GPATCH11: variants seen among roughly 807,000 people sequenced by gnomAD.
The protein encoded by GPATCH11 is G-patch domain containing 11, also known as G patch domain-containing protein 11.
A neutral mutation model predicts 44.8 loss-of-function variants in GPATCH11; 32 were observed. The ratio of observed to expected loss-of-function variants is 0.71; its 90% CI spans 0.54 to 0.96. GPATCH11 has a LOEUF of 0.96. Among genes scored for constraint, GPATCH11 ranks in the 40% least tolerant of loss-of-function variants. The pLI is 0.00. For synonymous variants in GPATCH11, 84 were observed against 94.4 expected, an observed-to-expected ratio of 0.89 and a Z score of 0.64; for missense variants, 324 against 303.1, an observed-to-expected ratio of 1.07 and a Z score of -0.51.
chr2:37,097,967 T>C lies in GPATCH11; in HGVS notation c.*1704T>C, dbSNP rs1365054464. Reference sequence around the variant, plus strand: ...ATTTTTATGAATGTAAATATGTGTATATATATAATATTTATATGTTTGGAT... The same window carrying C: ...ATTTTTATGAATGTAAATATGTGTACATATATAATATTTATATGTTTGGAT... On this transcript the variant is annotated 3_prime_UTR_variant, in exon 9 of 9. Transcript: ENST00000674370. 6.6e-6 allele frequency: 1 copy of C among 152,188 alleles called. No individual in the cohort carries two copies. The highest frequency in any genetic ancestry group is 1.5e-5 in the Non-Finnish European group (1 of 68,036). The allele number at this position is 152,188 out of a possible 1,614,324, so 9.4% of individuals were successfully genotyped here.
At chr2:37,088,629 A>G (rs1017580057) in intron 2 of GPATCH11, among the ~76,000 whole-genome samples, 189 bp downstream of exon 2, 1 of 152,134 alleles carries the variant, frequency 6.6e-6, no homozygotes, top group Admixed American at 6.6e-5. Context: ...AGATCCTCCC[A>G]TCTTGGCCTC....
intron 1 of GPATCH11, among the ~76,000 whole-genome samples, chr2:37,087,981 G>A (rs1318438327): frequency 6.6e-6 from 1 of 152,008 alleles, no homozygotes; most frequent in Non-Finnish European, 1.5e-5. Flanking sequence ...GACTGGAAGA[G>A]GAGACCAACT....
Position 37,088,767 on chromosome 2 carries a change from C to T in GPATCH11, c.59+327C>T, listed in dbSNP as rs376688560. On this transcript the variant is annotated intron_variant, in intron 2 of 8. Coordinates refer to ENST00000674370, the MANE Select transcript of GPATCH11 (RefSeq NM_174931.4). ...CAACTCCTGGGCTCAGGCGATCCTC[C>T]GGCTTTGGCCTCCCAAAGTGCTAGG... Among the ~76,000 whole-genome samples, 11 of 152,306 alleles carry T rather than the reference C, an allele frequency of 7.2e-5. No homozygotes were observed. In the South Asian group the frequency reaches 1.7e-3, roughly 23 times the overall value.
In GPATCH11 at chr2:37,098,430, T is replaced by G. The variant is rs1673705305; in HGVS notation, c.*2167T>G. 6.6e-6 allele frequency: 1 copy of G among 151,178 alleles called. No individual in the cohort carries two copies. Among genetic ancestry groups the G allele is most frequent in the Admixed American group, 6.6e-5 (1 of 15,138 alleles). The allele number at this position is 151,178 out of a possible 1,614,324, so 9.4% of individuals were successfully genotyped here. On this transcript the variant is annotated 3_prime_UTR_variant, in exon 9 of 9. Coordinates refer to ENST00000674370, the MANE Select transcript of GPATCH11 (RefSeq NM_174931.4). ...AGAGGAGTACATTTTACCCTTGCAATTCCAGTCAATACTGTGGTGTCATTT... is the reference window on the plus strand; with the variant it reads ...AGAGGAGTACATTTTACCCTTGCAAGTCCAGTCAATACTGTGGTGTCATTT...
intron 1 of GPATCH11, among the ~76,000 whole-genome samples, chr2:37,085,454 G>A (rs1163844675): frequency 6.6e-6 from 1 of 152,226 alleles, no homozygotes; most frequent in Non-Finnish European, 1.5e-5. Flanking sequence ...CTGAGGTTTA[G>A]AGGAAGCGGG....
At chr2:37,088,499 G>A in intron 2 of GPATCH11, 59 bp downstream of exon 2, 1 of 839,018 alleles carries the variant, frequency 1.2e-6, no homozygotes, top group Non-Finnish European at 1.9e-6. Context: ...ATTAAGAAAT[G>A]ACATTGATTT....
chr2:37,090,844 T>C (rs1437015143), intron 4 of GPATCH11, 122 bp downstream of exon 4: 58 of 565,608 alleles, frequency 1.0e-4, no homozygotes, highest in Non-Finnish European at 1.6e-4. Context: ...CAGTAAAATT[T>C]TGTTAAATTT....
rs1204649140 is a variant in GPATCH11, at chr2:37,092,007, A to G, written c.420A>G (p.Gln140=). 6.2e-7 allele frequency: 1 copy of G among 1,613,370 alleles called. No homozygotes were observed. The highest frequency in any genetic ancestry group is 1.1e-5 in the South Asian group (1 of 91,076). Reference sequence around the variant, plus strand: ...GAAAAAAGATTCACATGAAAAACCAAGCTGAAGAAAAAGCTGCAGAACAGT... The same window carrying G: ...GAAAAAAGATTCACATGAAAAACCAGGCTGAAGAAAAAGCTGCAGAACAGT... ...SYRKKIHMKN[Q]AEEKAAEQFR... Residue 140 remains glutamine, a synonymous_variant, in exon 5 of 9, where the codon CAA becomes CAG. Transcript: ENST00000674370.
Position 37,097,299 on chromosome 2 carries a change from A to T in GPATCH11, c.*1036A>T, listed in dbSNP as rs1395367048. On this transcript the variant is annotated 3_prime_UTR_variant, in exon 9 of 9. Coordinates refer to ENST00000674370, the MANE Select transcript of GPATCH11 (RefSeq NM_174931.4). ...TTTTCATTGTTTTCTCTTAAACTGA[A>T]ATCTGCTTCCCTGTAATATTAATGA... 1 of 152,168 alleles carries T rather than the reference A, an allele frequency of 6.6e-6. No individual in the cohort carries two copies. Among genetic ancestry groups the T allele is most frequent in the Non-Finnish European group, 1.5e-5 (1 of 68,042 alleles). 9.4% of individuals were successfully genotyped at this position (152,168 alleles called of 1,614,324 possible).
chr2:37,092,442 CTT>C (rs914807002), intron 6 of GPATCH11, among the ~76,000 whole-genome samples, 187 bp downstream of exon 6: 44 of 141,232 alleles, frequency 3.1e-4, no homozygotes, highest in African/African-American at 1.0e-3. Context: ...TTACATATGT[CTT>C]ATATATTATA....
Position 37,089,746 on chromosome 2 carries a change from AAAG to A in GPATCH11, c.175_177del (p.Glu59del), listed in dbSNP as rs767462069. ...TTTGAAAAACAGGCAGAAGAGTTTAAAAGAAGAAGAACAAGAAAGACGTGACAT... is the reference window on the plus strand; with the variant it reads ...TTTGAAAAACAGGCAGAAGAGTTTAAAAGAAGAACAAGAAAGACGTGACAT... On this transcript the variant is annotated inframe_deletion, in exon 3 of 9. Transcript: ENST00000674370. 1.6e-5 allele frequency: 25 copies of A among 1,551,838 alleles called. No individual in the cohort carries two copies. The East Asian group carries it at 2.2e-4, about 14-fold the overall frequency.
chr2:37,087,268 C>T (rs1673094992), intron 1 of GPATCH11, among the ~76,000 whole-genome samples: 1 of 152,190 alleles, frequency 6.6e-6, no homozygotes. Flanking sequence ...CCACCCTCCA[C>T]TAAAACCACA....
At chr2:37,094,525 G>A (rs1206431417) in intron 7 of GPATCH11, among the ~76,000 whole-genome samples, 3 of 152,108 alleles carry the variant, frequency 2.0e-5, no homozygotes, top group Admixed American at 2.0e-4. Context: ...CTTCAGTTTG[G>A]ATGATGAATT....
At chr2:37,090,019 G>A (rs78467850) in intron 3 of GPATCH11, among the ~76,000 whole-genome samples, 153 bp downstream of exon 3, 5,236 of 152,292 alleles carry the variant, frequency 0.034, 125 homozygotes, top group Non-Finnish European at 0.052. Context: ...CTTATGGAGA[G>A]CTTTTCATCA....
intron 1 of GPATCH11, among the ~76,000 whole-genome samples, chr2:37,086,136 C>A (rs1419260015): frequency 6.6e-6 from 1 of 152,094 alleles, no homozygotes; most frequent in Non-Finnish European, 1.5e-5. Context: ...ACAGGTTAAT[C>A]CTGTTCACTG....
rs539016770 is a variant in GPATCH11 at position 37,096,115 on chromosome 2, C to G, written c.737-93C>G. On this transcript the variant is annotated intron_variant, in intron 8 of 8. Transcript: ENST00000674370. ...CTGGTTTAGCAGAATAAGTAGAAAA[C>G]ATCAGATCAAAAAATGCATGTTATG... The G allele has an allele frequency of 8.2e-5, 62 of 756,016 alleles. 2 individuals are homozygous for G. In the East Asian group the frequency reaches 1.7e-3, roughly 21 times the overall value. 46.8% of individuals were successfully genotyped at this position (756,016 alleles called of 1,614,324 possible). A position where few individuals can be genotyped will look rare whatever the true frequency, so the allele number is the denominator to read the frequency against.
At chr2:37,084,611 G>A (rs966718159) in intron 1 of GPATCH11, 41 bp downstream of exon 1, 13 of 1,226,162 alleles carry the variant, frequency 1.1e-5, no homozygotes, top group Non-Finnish European at 1.1e-5. Context: ...ACAACCGGTA[G>A]AATGATAAAA....
intron 6 of GPATCH11, 101 bp from the exon 7 acceptor site, chr2:37,093,981 C>G (rs1673450914): frequency 1.3e-6 from 1 of 783,104 alleles, no homozygotes; most frequent in African/African-American, 1.7e-5. Context: ...AAGCCACACT[C>G]AGTGAATACG....
At position 37,098,489 on chromosome 2, in the gene GPATCH11, A is replaced by C. The variant is rs1673708227; in HGVS notation, c.*2226A>C. ...ATACCAACATTCAGTCAAATCCCAA[A>C]GCCAAATGGATAATTTCAGATGGAA... On this transcript the variant is annotated 3_prime_UTR_variant, in exon 9 of 9. Transcript: ENST00000674370. The C allele has an allele frequency of 6.6e-6, 1 of 152,086 alleles. No homozygotes were observed. Among genetic ancestry groups the C allele is most frequent in the Admixed American group, 6.6e-5 (1 of 15,246 alleles). 9.4% of individuals were successfully genotyped at this position (152,086 alleles called of 1,614,324 possible). A position where few individuals can be genotyped will look rare whatever the true frequency, so the allele number is the denominator to read the frequency against.
Sources: gnomAD v4.1 joint callset for allele counts (sites outside exome capture counted in the v4.1 genomes callset) on GRCh38, gnomAD v4.1.1 for gene constraint, MANE v1.5 for transcripts, NCBI Gene and HGNC (gene_info 2026-07-23, HGNC 2026-07-21) for gene names.